The following ACSS2 variants were observed in gnomAD, a reference collection of about 807,000 sequenced individuals.
ACSS2 encodes acyl-CoA synthetase short chain family member 2.
Under a neutral mutation model 90.6 loss-of-function variants are expected in ACSS2, and 58 were observed. The observed-to-expected ratio is 0.64, with a 90% CI of 0.52 to 0.80. The LOEUF (loss-of-function observed/expected upper bound fraction) is 0.80, where lower values mean the gene tolerates loss of function less well. ACSS2 is among the 30% of genes least tolerant of loss of function. The pLI, the probability that ACSS2 is intolerant of heterozygous loss-of-function variation, is 0.00. For synonymous variants in ACSS2, 300 were observed against 330.9 expected (o/e 0.91, Z 1.01); for missense variants, 759 against 912.0 (o/e 0.83, Z 2.16).
chr20:34,891,198 A>T (rs1288454909), intron 2 of ACSS2, among the ~76,000 whole-genome samples: 1 of 152,200 alleles, frequency 6.6e-6, no homozygotes, highest in Non-Finnish European at 1.5e-5. Flanking sequence ...ATATCTATTG[A>T]TTAAGATATA....
At chr20:34,921,511 T>C (rs369400746) in intron 11 of ACSS2, 33 bp from the exon 12 acceptor site, 2 of 1,614,154 alleles carry the variant, frequency 1.2e-6, no homozygotes, top group Non-Finnish European at 1.7e-6. Flanking sequence ...TGTGGGAAGA[T>C]TGACTCAAAT....
chr20:34,875,186 G>A (rs763981455), upstream of ACSS2: 1 of 534,468 alleles, frequency 1.9e-6, no homozygotes, highest in Non-Finnish European at 3.8e-6. Flanking sequence ...GGGTGGAGGG[G>A]CTAGAGAGAA....
chr20:34,905,326 G>A (rs532761696), intron 2 of ACSS2, among the ~76,000 whole-genome samples: 2 of 150,876 alleles, frequency 1.3e-5, no homozygotes, highest in Admixed American at 6.6e-5. Context: ...AGAGTGCAGT[G>A]CAGTAGTGTG....
chr20:34,896,156 G>C (rs1461052999), intron 2 of ACSS2, among the ~76,000 whole-genome samples: 1 of 152,214 alleles, frequency 6.6e-6, no homozygotes, highest in Non-Finnish European at 1.5e-5. Context: ...AAAGAGAAGA[G>C]GTACACAATC....
At position 34,910,010 on chromosome 20, in the gene ACSS2, C is replaced by T. The variant is rs1415539213; in HGVS notation, c.375-3086C>T. ...GGGAATACAGGTGTGAGCCTCTGTG[C>T]CTGGCCAAATTTTTTTTTTTTTTTT... On this transcript the variant is annotated intron_variant, in intron 2 of 17. Coordinates refer to ENST00000360596, the MANE Select transcript of ACSS2 (RefSeq NM_018677.4). Among the ~76,000 whole-genome samples, 8 of 139,752 alleles carry T rather than the reference C, an allele frequency of 5.7e-5. No homozygotes were observed. In the Admixed American group the frequency reaches 5.9e-4, roughly 10 times the overall value. 91.7% of individuals were successfully genotyped at this position (139,752 alleles called of 152,430 possible). A position where few individuals can be genotyped will look rare whatever the true frequency, so the allele number is the denominator to read the frequency against.
intron 2 of ACSS2, among the ~76,000 whole-genome samples, chr20:34,890,112 A>G (rs1053576874): frequency 1.3e-5 from 2 of 152,208 alleles, no homozygotes; most frequent in African/African-American, 4.8e-5. Flanking sequence ...TGCTTGGCAG[A>G]AAGTGTATTA....
intron 2 of ACSS2, among the ~76,000 whole-genome samples, chr20:34,907,738 A>G (rs1025744828): frequency 2.0e-5 from 3 of 152,208 alleles, no homozygotes; most frequent in Non-Finnish European, 4.4e-5. Flanking sequence ...CTTGTCAGTG[A>G]GCCAGTTAAG....
rs776492077 is a variant in ACSS2 at position 34,915,228 on chromosome 20, A to T, written c.834+791A>T. On this transcript the variant is annotated intron_variant, in intron 7 of 17. Transcript: ENST00000360596. ...CTGGGCTCTTAACAGGGTAAACTGA[A>T]AGAGAAATCCAAGCGTGTTCAGCCC... 3 of 1,613,876 alleles carry T rather than the reference A, an allele frequency of 1.9e-6. No individual in the cohort carries two copies. Among genetic ancestry groups the T allele is most frequent in the Admixed American group, 3.3e-5 (2 of 60,014 alleles).
chr20:34,899,423 T>TTTCTCTCTCTTTCCTTCCTTCC (rs1491564858), intron 2 of ACSS2, among the ~76,000 whole-genome samples: 1 of 113,024 alleles, frequency 8.8e-6, no homozygotes, highest in Non-Finnish European at 1.8e-5. Flanking sequence ...TCTTTCTTTC[T>TTTCTCTCTCTTTCCTTCCTTCC]TTCCTTCCTT....
intron 1 of ACSS2, among the ~76,000 whole-genome samples, chr20:34,880,561 A>G (rs2080046723): frequency 6.6e-6 from 1 of 151,930 alleles, no homozygotes; most frequent in Non-Finnish European, 1.5e-5. Context: ...AATAATAATA[A>G]TAGAAATTAA....
chr20:34,908,481 T>G (rs1463002342), intron 2 of ACSS2, among the ~76,000 whole-genome samples: 1 of 152,226 alleles, frequency 6.6e-6, no homozygotes, highest in African/African-American at 2.4e-5. Flanking sequence ...TATTCAGGTC[T>G]TGGCTCAAAT....
Position 34,927,099 on chromosome 20 carries a change from G to T in ACSS2, c.1991G>T (p.Arg664Met). 6.2e-7 allele frequency: 1 copy of T among 1,614,128 alleles called. No individual in the cohort carries two copies. Among genetic ancestry groups the T allele is most frequent in the Non-Finnish European group, 8.5e-7 (1 of 1,180,020 alleles). Residue 664 changes from arginine (R) to methionine (M), a missense_variant, in exon 18 of 18, where the codon AGG becomes ATG. Physicochemically the swap from Arg to Met is moderately conservative, Grantham distance 91. Coordinates refer to ENST00000360596, the MANE Select transcript of ACSS2 (RefSeq NM_018677.4). The surrounding 1 kb of genome is among the most constrained non-coding windows in gnomAD (Gnocchi z 4.2). ...LPKTRSGKIM[R>M]RVLRKIAQND... ...TGTGGTTCCCCAGGGAAAATCATGA[G>T]GCGAGTGCTTCGGAAGATTGCTCAG...
In ACSS2 at chr20:34,913,591, C is replaced by T. The variant is rs1429253237; in HGVS notation, c.570+95C>T. On this transcript the variant is annotated intron_variant, in intron 4 of 17. Coordinates refer to ENST00000360596, the MANE Select transcript of ACSS2 (RefSeq NM_018677.4). ...ATGATGGAGGGTCTTAAATAACAAA[C>T]TAAGGAGCTTAGAAGGTTTGTGTCA... The T allele has an allele frequency of 3.0e-6, 4 of 1,319,810 alleles. No homozygotes were observed. The African/African-American group carries it at 5.9e-5, about 19-fold the overall frequency. The allele number at this position is 1,319,810 out of a possible 1,614,324, so 81.8% of individuals were successfully genotyped here. A position where few individuals can be genotyped will look rare whatever the true frequency, so the allele number is the denominator to read the frequency against.
intron 1 of ACSS2, among the ~76,000 whole-genome samples, chr20:34,877,549 G>T (rs1490422818): frequency 2.0e-5 from 3 of 152,128 alleles, no homozygotes; most frequent in African/African-American, 4.8e-5. Flanking sequence ...CAGGAGCAGT[G>T]GCTCACGCCT....
intron 2 of ACSS2, among the ~76,000 whole-genome samples, chr20:34,887,790 G>A (rs760971645): frequency 6.6e-6 from 1 of 151,894 alleles, no homozygotes; most frequent in African/African-American, 2.4e-5. Context: ...AACAGCCTGG[G>A]CCAGGCATAG....
intron 2 of ACSS2, among the ~76,000 whole-genome samples, chr20:34,903,339 C>CA (rs11476381): frequency 0.079 from 9,101 of 114,928 alleles, 506 homozygotes; most frequent in African/African-American, 0.16. Flanking sequence ...GAGACTCTCT[C>CA]AAAAAAAAAA....
intron 2 of ACSS2, among the ~76,000 whole-genome samples, chr20:34,901,037 AAAAT>A (rs2080644826): frequency 6.6e-6 from 1 of 152,186 alleles, no homozygotes; most frequent in Non-Finnish European, 1.5e-5. Context: ...AAAATTAAGT[AAAAT>A]AAATAATCCA....
chr20:34,908,268 T>G (rs755872193), intron 2 of ACSS2, among the ~76,000 whole-genome samples: 2 of 152,186 alleles, frequency 1.3e-5, no homozygotes, highest in Non-Finnish European at 2.9e-5. Flanking sequence ...TACAGTAAAA[T>G]TCAAACTTCT....
intron 2 of ACSS2, among the ~76,000 whole-genome samples, chr20:34,890,597 C>T (rs2080310947): frequency 6.6e-6 from 1 of 151,922 alleles, no homozygotes; most frequent in African/African-American, 2.4e-5. Context: ...ACTAGCTACT[C>T]AGTCTCTACT....
Sources: allele counts gnomAD v4.1 joint callset (sites outside exome capture counted in the v4.1 genomes callset), GRCh38; gene constraint gnomAD v4.1.1; non-coding constraint Gnocchi (gnomAD v3.1); transcripts MANE v1.5; gene names NCBI Gene and HGNC (gene_info 2026-07-23, HGNC 2026-07-21).